The following C2orf42 variants were observed in gnomAD, a reference collection of about 807,000 sequenced individuals.
The protein encoded by C2orf42 is uncharacterized protein C2orf42.
In C2orf42, 44 loss-of-function variants were observed where a neutral mutation model predicts 58.9. The ratio of observed to expected loss-of-function variants is 0.75; its 90% CI spans 0.59 to 0.96. The LOEUF (loss-of-function observed/expected upper bound fraction) is 0.96, where lower values mean the gene tolerates loss of function less well. Ranked by LOEUF, C2orf42 falls within the 40% of genes least tolerant of loss-of-function variation. The pLI is 0.00. For missense variants in C2orf42, 630 were observed against 699.2 expected, an observed-to-expected ratio of 0.90 and a Z score of 1.12; for synonymous variants, 239 against 265.4, an observed-to-expected ratio of 0.90 and a Z score of 0.97.
chr2:70,165,714 G>A, intron 6 of C2orf42, 79 bp from the exon 7 acceptor site: 1 of 775,822 alleles, frequency 1.3e-6, no homozygotes, highest in Non-Finnish European at 2.3e-6. Flanking sequence ...TGAAAGAAAA[G>A]GAATCAAGGG....
intron 1 of C2orf42, chr2:70,190,331 T>G (rs1233319367): frequency 6.6e-6 from 1 of 152,242 alleles, no homozygotes; most frequent in African/African-American, 2.4e-5. Context: ...TGGTGGATTC[T>G]GTTTCATGCT....
Position 70,181,820 on chromosome 2 carries a change from G to C in C2orf42, c.166C>G (p.Arg56Gly). The change falls in exon 3 of 10, where the codon CGC (arginine) becomes GGC (glycine). Residue 56 changes from arginine to glycine, a missense_variant. Transcript: ENST00000264434. ...TCGTIFRYGARKQPSVEAVKI... is the reference protein window; with the variant it reads ...TCGTIFRYGAGKQPSVEAVKI... ...ACAGCTTCAACACTAGGCTGCTTGC[G>C]TGCACCGTAGCGGAATATGGTTCCA... 1 of 1,614,090 alleles carries C rather than the reference G, an allele frequency of 6.2e-7. No individual in the cohort carries two copies. The highest frequency in any genetic ancestry group is 8.5e-7 in the Non-Finnish European group (1 of 1,180,002).
intron 4 of C2orf42, among the ~76,000 whole-genome samples, chr2:70,177,792 T>C (rs1326934282): frequency 6.6e-6 from 1 of 152,152 alleles, no homozygotes; most frequent in East Asian, 1.9e-4. Context: ...TTCCAACAAT[T>C]TGGGAGGCTG....
At chr2:70,187,468 G>T (rs1465934577) in intron 1 of C2orf42, among the ~76,000 whole-genome samples, 5 of 151,918 alleles carry the variant, frequency 3.3e-5, no homozygotes, top group African/African-American at 1.2e-4. Context: ...GGCCAGGCTG[G>T]TCTCAAATTC....
At chr2:70,172,097 G>A (rs1243903396) in intron 5 of C2orf42, among the ~76,000 whole-genome samples, 2 of 151,758 alleles carry the variant, frequency 1.3e-5, no homozygotes, top group East Asian at 2.0e-4. Flanking sequence ...AGTGGTGTGC[G>A]CCTGTAATCT....
At chr2:70,151,143 G>C (rs949322903) in intron 9 of C2orf42, among the ~76,000 whole-genome samples, 3 of 152,316 alleles carry the variant, frequency 2.0e-5, no homozygotes, top group South Asian at 4.1e-4. Flanking sequence ...CTTGAGGCCA[G>C]GAGTTTAAGA....
At chr2:70,173,702 G>C (rs369002768) in intron 5 of C2orf42, among the ~76,000 whole-genome samples, 53 of 151,800 alleles carry the variant, frequency 3.5e-4, no homozygotes, top group African/African-American at 1.2e-3. Flanking sequence ...CTGCAGCCTC[G>C]ACATCCCAGG....
intron 9 of C2orf42, among the ~76,000 whole-genome samples, chr2:70,152,056 C>T (rs527487404): frequency 2.0e-5 from 3 of 152,220 alleles, no homozygotes; most frequent in East Asian, 1.9e-4. Context: ...GGATTACAGG[C>T]GTGAGCCACT....
chr2:70,150,547 G>C lies in C2orf42; in HGVS notation c.1534C>G (p.Gln512Glu), dbSNP rs1043589081. 1 of 1,613,056 alleles carries C rather than the reference G, an allele frequency of 6.2e-7. No individual in the cohort carries two copies. Among genetic ancestry groups the C allele is most frequent in the Non-Finnish European group, 8.5e-7 (1 of 1,179,070 alleles). Residue 512 changes from glutamine to glutamate, a missense_variant, in exon 10 of 10, where the codon CAA becomes GAA. Physicochemically the swap from Gln to Glu is conservative, Grantham distance 29 (BLOSUM62 2). Coordinates refer to ENST00000264434, the MANE Select transcript of C2orf42 (RefSeq NM_017880.3). ...ATGATGAAAGGTGTTGGCTCCTTTT[G>C]ATCTGGGGAAGTGTTGCCTAAAGAG... ...FLKVGNTSPD[Q>E]KEPTPFIIEW...
chr2:70,181,479 G>T lies in C2orf42; in HGVS notation c.507C>A (p.Ile169=). The change falls in exon 3 of 10, where the codon ATC becomes ATA. Residue 169 remains isoleucine (I), a synonymous_variant. Transcript: ENST00000264434. ...CTGTGGGTTCCGTGGCCAACTGCCA[G>T]ATGGTCTGTTTGGTTTCCGGGGAGG... ...MQASPETKQT[I]WQLATEPTGP... is the part of the protein sequence containing the mutation. 2 of 1,613,902 alleles carry T rather than the reference G, an allele frequency of 1.2e-6. No individual in the cohort carries two copies. Among genetic ancestry groups the T allele is most frequent in the Middle Eastern group, 1.6e-4 (1 of 6,062 alleles).
intron 9 of C2orf42, among the ~76,000 whole-genome samples, chr2:70,160,058 G>A (rs1049755490): frequency 1.3e-5 from 2 of 151,718 alleles, no homozygotes; most frequent in Non-Finnish European, 1.5e-5. Context: ...AAGAAACAAA[G>A]GGAGGCCACC....
chr2:70,172,155 C>T (rs1404683891), intron 5 of C2orf42, among the ~76,000 whole-genome samples: 11 of 141,370 alleles, frequency 7.8e-5, no homozygotes, highest in Non-Finnish European at 1.7e-4. Context: ...GCCCAGGAGG[C>T]GGAGGTTGCA....
At chr2:70,159,673 C>G (rs1672931942) in intron 9 of C2orf42, among the ~76,000 whole-genome samples, 1 of 151,880 alleles carries the variant, frequency 6.6e-6, no homozygotes, top group South Asian at 2.1e-4. Context: ...AATTCAAGTA[C>G]AGTCTAAAAC....
At position 70,182,942 on chromosome 2, in the gene C2orf42, G is replaced by C. The variant is rs1458574128; in HGVS notation, c.-281-7C>G. 1 of 152,056 alleles carries C rather than the reference G, an allele frequency of 6.6e-6. No homozygotes were observed. The highest frequency in any genetic ancestry group is 2.4e-5 in the African/African-American group (1 of 41,380). 9.4% of individuals were successfully genotyped at this position (152,056 alleles called of 1,614,324 possible). ...AAGTGGAGATCTTGATAGTCTGCGA[G>C]TAAAACAAGAAAAAATATTAAAGTT... On this transcript the variant is annotated splice_polypyrimidine_tract_variant and splice_region_variant and intron_variant, in intron 1 of 9. Coordinates refer to ENST00000264434, the MANE Select transcript of C2orf42 (RefSeq NM_017880.3).
At chr2:70,154,973 A>G (rs1047894937) in intron 9 of C2orf42, among the ~76,000 whole-genome samples, 1 of 151,890 alleles carries the variant, frequency 6.6e-6, no homozygotes, top group African/African-American at 2.4e-5. Flanking sequence ...GAGGCCGGGC[A>G]TGGTGGCTCA....
intron 5 of C2orf42, among the ~76,000 whole-genome samples, chr2:70,174,342 A>C (rs528137099): frequency 6.6e-6 from 1 of 152,190 alleles, no homozygotes; most frequent in South Asian, 2.1e-4. Context: ...AAATACAATA[A>C]ATTACTTTTT....
At chr2:70,151,392 G>A (rs898681185) in intron 9 of C2orf42, among the ~76,000 whole-genome samples, 1 of 152,044 alleles carries the variant, frequency 6.6e-6, no homozygotes, top group African/African-American at 2.4e-5. Flanking sequence ...TTCCAGCACT[G>A]TGGGAGGCTG....
Position 70,181,798 on chromosome 2 carries a change from G to T in C2orf42, c.188C>A (p.Ala63Asp). 6.2e-7 allele frequency: 1 copy of T among 1,614,116 alleles called. No individual in the cohort carries two copies. The highest frequency in any genetic ancestry group is 8.5e-7 in the Non-Finnish European group (1 of 1,179,992). ...YGARKQPSVE[A>D]VKIITGSDLQ... ...ATCAGAGCCTGTAATGATTTTGACA[G>T]CTTCAACACTAGGCTGCTTGCGTGC... is the stretch of plus-strand genomic sequence containing the variant. The change falls in exon 3 of 10, where the codon GCT becomes GAT. Residue 63 changes from alanine to aspartate, a missense_variant. Physicochemically the swap from Ala to Asp is moderately radical, Grantham distance 126. Transcript: ENST00000264434.
chr2:70,189,861 T>TA (rs545729870), intron 1 of C2orf42, among the ~76,000 whole-genome samples: 3,556 of 143,212 alleles, frequency 0.025, 127 homozygotes, highest in African/African-American at 0.079. Context: ...CCCTGTCTCT[T>TA]AAAAAAAAAA....
Sources: gnomAD v4.1 joint callset for allele counts (sites outside exome capture counted in the v4.1 genomes callset) on GRCh38, gnomAD v4.1.1 for gene constraint, MANE v1.5 for transcripts, NCBI Gene and HGNC (gene_info 2026-07-23, HGNC 2026-07-21) for gene names.